SEMA6B: variants seen among roughly 807,000 people sequenced by gnomAD.
The protein encoded by SEMA6B is semaphorin 6B.
Under a neutral mutation model 78.6 loss-of-function variants are expected in SEMA6B, and 47 were observed. That is an observed-to-expected ratio of 0.60 (90% CI 0.47 to 0.76). The LOEUF (loss-of-function observed/expected upper bound fraction) is 0.76. Among genes scored for constraint, SEMA6B ranks in the 30% least tolerant of loss-of-function variants. The probability of loss-of-function intolerance (pLI) is 0.00; values close to 1 mark genes in which losing one functional copy is unlikely to be tolerated. For missense variants in SEMA6B, 1,213 were observed against 1,269.9 expected, an observed-to-expected ratio of 0.96 and a Z score of 0.68; for synonymous variants, 632 against 592.2, an observed-to-expected ratio of 1.07 and a Z score of -0.98.
rs980613268 is a variant in SEMA6B, at chr19:4,551,006, T to G, written c.990-76A>C. 34 of 1,531,498 alleles carry G rather than the reference T, an allele frequency of 2.2e-5. No homozygotes were observed. In the African/African-American group the frequency reaches 4.5e-4, roughly 20 times the overall value. 94.9% of individuals were successfully genotyped at this position (1,531,498 alleles called of 1,614,324 possible). On this transcript the variant is annotated intron_variant, in intron 10 of 16. Transcript: ENST00000586582. ...TCGGACAAGTGCGTGCAGGAGCCTC[T>G]GTCTGCAGGAGCCAGTGAATCTTCA... is the stretch of plus-strand genomic sequence containing the variant.
intron 1 of SEMA6B, among the ~76,000 whole-genome samples, chr19:4,559,140 G>C (rs1346661027): frequency 1.4e-5 from 2 of 143,628 alleles, no homozygotes; most frequent in Non-Finnish European, 1.5e-5. Flanking sequence ...GTTGCAGTGA[G>C]CCAAGATCGC....
At chr19:4,551,033 T>G (rs1237484110) in intron 10 of SEMA6B, 103 bp from the exon 11 acceptor site, 46 of 1,364,362 alleles carry the variant, frequency 3.4e-5, no homozygotes, top group Non-Finnish European at 4.4e-5. Flanking sequence ...GAATCTTCAG[T>G]CTTCCTAGGC....
chr19:4,553,930 T>C (rs1230662734), intron 9 of SEMA6B, among the ~76,000 whole-genome samples: 1 of 151,896 alleles, frequency 6.6e-6, no homozygotes. Context: ...GGTGGATGGA[T>C]GCATGGACAG....
intron 16 of SEMA6B, chr19:4,545,658 T>C (rs74328968): frequency 0.031 from 4,786 of 152,410 alleles, 118 homozygotes; most frequent in Non-Finnish European, 0.047. Flanking sequence ...CCTGTTGAAG[T>C]TGGTCTGTCT....
At position 4,548,185 on chromosome 19, in the gene SEMA6B, C is replaced by G. The variant is rs1405968199; in HGVS notation, c.1455-12G>C. The G allele has an allele frequency of 2.5e-6, 4 of 1,588,162 alleles. No individual in the cohort carries two copies. The East Asian group carries it at 9.0e-5, about 36-fold the overall frequency. ...CGGGCCGTCCACACCTGGGGACAAG[C>G]AGAGTGGTGAGGCTGAGCGCATCTC... On this transcript the variant is annotated splice_polypyrimidine_tract_variant and intron_variant, in intron 13 of 16. Transcript: ENST00000586582.
intron 9 of SEMA6B, 79 bp downstream of exon 9, chr19:4,554,309 G>A (rs149959787): frequency 2.6e-6 from 3 of 1,133,934 alleles, no homozygotes; most frequent in East Asian, 2.4e-5. Context: ...CCCATGCAGG[G>A]ATTCATGGAT....
rs1227176012 is a variant in SEMA6B at position 4,550,539 on chromosome 19, T to A, written c.1121+260A>T. ...CCATCACGCCCGGCTAATTTTTGTA[T>A]TTTTAGTAGAGACAGGGTTTCGCCA... On this transcript the variant is annotated intron_variant, in intron 11 of 16. Coordinates refer to ENST00000586582, the MANE Select transcript of SEMA6B (RefSeq NM_032108.4). This position sits in a 1 kb window ranked among gnomAD's most constrained non-coding sequence, Gnocchi z 6.6. Among the ~76,000 whole-genome samples the A allele has an allele frequency of 6.6e-6, 1 of 152,102 alleles. No individual in the cohort carries two copies. Among genetic ancestry groups the A allele is most frequent in the African/African-American group, 2.4e-5 (1 of 41,428 alleles).
At position 4,558,328 on chromosome 19, in the gene SEMA6B, C is replaced by A; in HGVS notation, c.121+9G>T. 7.6e-7 allele frequency: 1 copy of A among 1,321,670 alleles called. No individual in the cohort carries two copies. Among genetic ancestry groups the A allele is most frequent in the African/African-American group, 1.5e-5 (1 of 66,216 alleles). 81.9% of individuals were successfully genotyped at this position (1,321,670 alleles called of 1,614,324 possible). ...CTCCACCCCCGCCCAAAGACACCCC[C>A]AGACTCACAGTCCCTGGGGGCCACG... On this transcript the variant is annotated intron_variant, in intron 2 of 16. Coordinates refer to ENST00000586582, the MANE Select transcript of SEMA6B (RefSeq NM_032108.4). The surrounding 1 kb of genome is among the most constrained non-coding windows in gnomAD (Gnocchi z 5.1).
chr19:4,544,562 C>T lies in SEMA6B; in HGVS notation c.1739-33G>A, dbSNP rs898224051. 9 of 1,393,606 alleles carry T rather than the reference C, an allele frequency of 6.5e-6. No homozygotes were observed. In the African/African-American group the frequency reaches 1.3e-4, roughly 21 times the overall value. The allele number at this position is 1,393,606 out of a possible 1,614,324, so 86.3% of individuals were successfully genotyped here. On this transcript the variant is annotated intron_variant, in intron 16 of 16. Transcript: ENST00000586582. The surrounding 1 kb of genome is among the most constrained non-coding windows in gnomAD (Gnocchi z 5.1). Reference sequence around the variant, plus strand: ...GGGAGCACAGGGGGGTTAGTGGGGCCGGCGGGGTGGCCCTGGGCATCCCTC... The same window carrying T: ...GGGAGCACAGGGGGGTTAGTGGGGCTGGCGGGGTGGCCCTGGGCATCCCTC...
At position 4,543,962 on chromosome 19, in the gene SEMA6B, G is replaced by A. The variant is rs1977092380; in HGVS notation, c.2306C>T (p.Thr769Ile). The A allele has an allele frequency of 3.3e-6, 4 of 1,202,594 alleles. No individual in the cohort carries two copies. Among genetic ancestry groups the A allele is most frequent in the African/African-American group, 3.2e-5 (2 of 62,976 alleles). The allele number at this position is 1,202,594 out of a possible 1,614,324, so 74.5% of individuals were successfully genotyped here. A position where few individuals can be genotyped will look rare whatever the true frequency, so the allele number is the denominator to read the frequency against. The change falls in exon 17 of 17, where the codon ACC (threonine) becomes ATC (isoleucine). Residue 769 changes from threonine to isoleucine, a missense_variant. By Grantham distance (89) the Thr-to-Ile change is moderately conservative (BLOSUM62 -1). Coordinates refer to ENST00000586582, the MANE Select transcript of SEMA6B (RefSeq NM_032108.4). ...GGCAGCATAGAGGCGGCCGTCGGGG[G>A]TCGGCTCCCCAGGCGCGGGGGGCTG... ...PEQPPAPGEP[T>I]PDGRLYAARP...
chr19:4,544,182 G>T lies in SEMA6B; in HGVS notation c.2086C>A (p.Gln696Lys). 1 of 1,270,058 alleles carries T rather than the reference G, an allele frequency of 7.9e-7. No homozygotes were observed. The highest frequency in any genetic ancestry group is 2.6e-5 in the South Asian group (1 of 37,772). The allele number at this position is 1,270,058 out of a possible 1,614,324, so 78.7% of individuals were successfully genotyped here. A position where few individuals can be genotyped will look rare whatever the true frequency, so the allele number is the denominator to read the frequency against. ...GAGTCCAGGTCGTGGGGCCCGCCCT[G>T]CAGCAGCGTGGCCTTGGCCCAGCCG... ...QNGWAKATLLQGGPHDLDSGL... is the reference protein window; with the variant it reads ...QNGWAKATLLKGGPHDLDSGL... Residue 696 changes from glutamine (Q) to lysine (K), a missense_variant, in exon 17 of 17, where the codon CAG becomes AAG. Transcript: ENST00000586582. This position sits in a 1 kb window ranked among gnomAD's most constrained non-coding sequence, Gnocchi z 5.1.
In SEMA6B at chr19:4,550,953, T is replaced by C. The variant is rs1163845111; in HGVS notation, c.990-23A>G. Reference sequence around the variant, plus strand: ...ATGCTGAGGGGTTGGGATGAAAGAGTTTGGTGAGCCCGGTGGGAGGCCCCA... The same window carrying C: ...ATGCTGAGGGGTTGGGATGAAAGAGCTTGGTGAGCCCGGTGGGAGGCCCCA... On this transcript the variant is annotated intron_variant, in intron 10 of 16. Transcript: ENST00000586582. This position sits in a 1 kb window ranked among gnomAD's most constrained non-coding sequence, Gnocchi z 6.6. The C allele has an allele frequency of 6.2e-7, 1 of 1,612,352 alleles. No homozygotes were observed. Among genetic ancestry groups the C allele is most frequent in the Admixed American group, 1.7e-5 (1 of 59,906 alleles).
intron 8 of SEMA6B, 147 bp downstream of exon 8, chr19:4,554,829 G>T: frequency 9.4e-7 from 1 of 1,065,352 alleles, no homozygotes; most frequent in Non-Finnish European, 1.3e-6. Flanking sequence ...TAGCTTTCTA[G>T]TCTTCAAAAA....
Position 4,550,790 on chromosome 19 carries a change from G to C in SEMA6B, c.1121+9C>G. ...CGGGCATGTGACTCAGGATGGAGGG[G>C]GTTCTCACCGGGGTCGAGGCACCTG... On this transcript the variant is annotated intron_variant, in intron 11 of 16. Coordinates refer to ENST00000586582, the MANE Select transcript of SEMA6B (RefSeq NM_032108.4). The surrounding 1 kb of genome is among the most constrained non-coding windows in gnomAD (Gnocchi z 6.6). 1 of 1,613,136 alleles carries C rather than the reference G, an allele frequency of 6.2e-7. No homozygotes were observed. Among genetic ancestry groups the C allele is most frequent in the Non-Finnish European group, 8.5e-7 (1 of 1,179,920 alleles).
chr19:4,555,501 T>C lies in SEMA6B; in HGVS notation c.535A>G (p.Lys179Glu). The change falls in exon 7 of 17, where the codon AAG becomes GAG. Residue 179 changes from lysine to glutamate, a missense_variant. Transcript: ENST00000586582. The surrounding 1 kb of genome is among the most constrained non-coding windows in gnomAD (Gnocchi z 6.1). ...GAGAAGAGGGCAACATTGGCGTGCTTGGGGTCGTACGGGCAGCGGGCCATA... is the reference window on the plus strand; with the variant it reads ...GAGAAGAGGGCAACATTGGCGTGCTCGGGGTCGTACGGGCAGCGGGCCATA... ...SGMARCPYDP[K>E]HANVALFSDG... 6.2e-7 allele frequency: 1 copy of C among 1,613,194 alleles called. No homozygotes were observed. The highest frequency in any genetic ancestry group is 8.5e-7 in the Non-Finnish European group (1 of 1,179,688).
chr19:4,543,808 G>A lies in SEMA6B; in HGVS notation c.2460C>T (p.Pro820=), dbSNP rs2145341701. 1 of 1,217,880 alleles carries A rather than the reference G, an allele frequency of 8.2e-7. No homozygotes were observed. The highest frequency in any genetic ancestry group is 3.3e-5 in the East Asian group (1 of 30,484). 75.4% of individuals were successfully genotyped at this position (1,217,880 alleles called of 1,614,324 possible). A position where few individuals can be genotyped will look rare whatever the true frequency, so the allele number is the denominator to read the frequency against. Residue 820 remains proline, a synonymous_variant, in exon 17 of 17, where the codon CCC becomes CCT. Transcript: ENST00000586582. ...GGCTGCCCGTCGGGGGCGGGCTCCA[G>A]GGCCGCGGGAGGCCATCGGCGGCTG... ...PASAADGLPR[P]WSPPPTGSLR...
rs374771930 is a variant in SEMA6B at position 4,558,324 on chromosome 19, C to A, written c.121+13G>T. The A allele has an allele frequency of 3.0e-6, 4 of 1,321,126 alleles. No homozygotes were observed. The highest frequency in any genetic ancestry group is 3.9e-6 in the Non-Finnish European group (4 of 1,025,866). 81.8% of individuals were successfully genotyped at this position (1,321,126 alleles called of 1,614,324 possible). On this transcript the variant is annotated intron_variant, in intron 2 of 16. Transcript: ENST00000586582. This position sits in a 1 kb window ranked among gnomAD's most constrained non-coding sequence, Gnocchi z 5.1. Reference sequence around the variant, plus strand: ...GGGACTCCACCCCCGCCCAAAGACACCCCCAGACTCACAGTCCCTGGGGGC... The same window carrying A: ...GGGACTCCACCCCCGCCCAAAGACAACCCCAGACTCACAGTCCCTGGGGGC...
chr19:4,548,145 C>T lies in SEMA6B; in HGVS notation c.1483G>A (p.Gly495Arg), dbSNP rs778062602. ...RCGRPGGGET[G>R]QRLLSLELDA... ...AGCTCCAAGCTCAGCAGCCGCTGCC[C>T]TGTCTCGCCACCGCCGGGCCGTCCA... Residue 495 changes from glycine to arginine, a missense_variant, in exon 14 of 17, where the codon GGG becomes AGG. Physicochemically the swap from Gly to Arg is moderately radical, Grantham distance 125. Transcript: ENST00000586582. The T allele has an allele frequency of 1.3e-6, 2 of 1,592,290 alleles. No homozygotes were observed. The highest frequency in any genetic ancestry group is 1.7e-6 in the Non-Finnish European group (2 of 1,170,070).
In SEMA6B at chr19:4,550,804, T is replaced by C; in HGVS notation, c.1116A>G (p.Arg372=). 1 of 1,613,064 alleles carries C rather than the reference T, an allele frequency of 6.2e-7. No individual in the cohort carries two copies. The highest frequency in any genetic ancestry group is 8.5e-7 in the Non-Finnish European group (1 of 1,179,936). ...AGGATGGAGGGGGTTCTCACCGGGG[T>C]CGAGGCACCTGATCCTCCGGCACCG... ...WTPVPEDQVP[R]PRPGCCAAPG... The change falls in exon 11 of 17, where the codon CGA becomes CGG. Residue 372 remains arginine, a synonymous_variant. Coordinates refer to ENST00000586582, the MANE Select transcript of SEMA6B (RefSeq NM_032108.4). The surrounding 1 kb of genome is among the most constrained non-coding windows in gnomAD (Gnocchi z 6.6).
Sources: allele counts gnomAD v4.1 joint callset (sites outside exome capture counted in the v4.1 genomes callset), GRCh38; gene constraint gnomAD v4.1.1; non-coding constraint Gnocchi (gnomAD v3.1); transcripts MANE v1.5; gene names NCBI Gene and HGNC (gene_info 2026-07-23, HGNC 2026-07-21).